Variants in SPAG9 observed in about 807,000 individuals in gnomAD.
The protein encoded by SPAG9 is sperm associated antigen 9.
In SPAG9, 35 loss-of-function variants were observed where a neutral mutation model predicts 166.5. That is an observed-to-expected ratio of 0.21 (90% CI 0.16 to 0.28). The LOEUF (loss-of-function observed/expected upper bound fraction) is 0.28. Ranked by LOEUF, SPAG9 falls within the 10% of genes least tolerant of loss-of-function variation. SPAG9 has a pLI of 1.00. For missense variants in SPAG9, 1,235 were observed against 1,603.3 expected, an observed-to-expected ratio of 0.77 and a Z score of 3.92; for synonymous variants, 534 against 565.5, an observed-to-expected ratio of 0.94 and a Z score of 0.79.
At position 50,962,296 on chromosome 17, in the gene SPAG9, G is replaced by A. The variant is rs2143488272; in HGVS notation, c.*3976C>T. The A allele has an allele frequency of 6.6e-6, 1 of 152,278 alleles. No homozygotes were observed. Among genetic ancestry groups the A allele is most frequent in the Middle Eastern group, 3.4e-3 (1 of 294 alleles). The allele number at this position is 152,278 out of a possible 1,614,324, so 9.4% of individuals were successfully genotyped here. ...TTGCTAAATGAGCTCTTTGCTCATA[G>A]AAATGAAGCTCAGCCTCTAAGAGAC... On this transcript the variant is annotated 3_prime_UTR_variant, in exon 30 of 30. Coordinates refer to ENST00000262013, the MANE Select transcript of SPAG9 (RefSeq NM_001130528.3).
At chr17:50,978,339 T>C (rs1974340839) in intron 26 of SPAG9, among the ~76,000 whole-genome samples, 1 of 152,218 alleles carries the variant, frequency 6.6e-6, no homozygotes, top group African/African-American at 2.4e-5. Context: ...TGTGTATATA[T>C]TCTAGGGAGA....
chr17:51,074,223 G>A (rs553228377), intron 2 of SPAG9, among the ~76,000 whole-genome samples: 5 of 151,166 alleles, frequency 3.3e-5, no homozygotes, highest in East Asian at 2.0e-4. Context: ...GCGACAGAGC[G>A]AGACTCCGTC....
At chr17:51,055,159 C>T (rs979786012) in intron 3 of SPAG9, among the ~76,000 whole-genome samples, 3 of 152,062 alleles carry the variant, frequency 2.0e-5, no homozygotes, top group East Asian at 1.9e-4. Context: ...ACCAGCCTGG[C>T]CAACGTGGAG....
Position 51,020,212 on chromosome 17 carries a change from T to C in SPAG9, c.1038A>G (p.Glu346=), listed in dbSNP as rs2045886744. Residue 346 remains glutamate (E), a synonymous_variant, in exon 8 of 30, where the codon GAA becomes GAG. Transcript: ENST00000262013. ...EEKSEVQAII[E]STPELDMDKD... ...TGTCCATATCCAGCTCAGGAGTAGA[T>C]TCGATGATTGCTTGAACTTCTGACT... 1 of 1,613,856 alleles carries C rather than the reference T, an allele frequency of 6.2e-7. No homozygotes were observed. Among genetic ancestry groups the C allele is most frequent in the Non-Finnish European group, 8.5e-7 (1 of 1,179,786 alleles).
intron 19 of SPAG9, among the ~76,000 whole-genome samples, chr17:50,992,863 G>A (rs556415287): frequency 1.3e-5 from 2 of 152,068 alleles, no homozygotes; most frequent in East Asian, 1.9e-4. Context: ...TTGGGAGACC[G>A]AGGCGGGCAG....
At chr17:51,013,807 T>A (rs906220410) in intron 9 of SPAG9, among the ~76,000 whole-genome samples, 3 of 152,204 alleles carry the variant, frequency 2.0e-5, no homozygotes, top group African/African-American at 7.2e-5. Context: ...TCAAGTGTTA[T>A]AATTTCTTAT....
At position 50,965,678 on chromosome 17, in the gene SPAG9, TA is replaced by T. The variant is rs1220541738; in HGVS notation, c.*593del. The T allele has an allele frequency of 6.6e-6, 1 of 152,262 alleles. No individual in the cohort carries two copies. The highest frequency in any genetic ancestry group is 2.4e-5 in the African/African-American group (1 of 41,424). 9.4% of individuals were successfully genotyped at this position (152,262 alleles called of 1,614,324 possible). A position where few individuals can be genotyped will look rare whatever the true frequency, so the allele number is the denominator to read the frequency against. ...TAGTGTAGTCTTAATTTCTTTAATA[TA>T]AAACCCCCCCAAATCTGATGAAAAC... On this transcript the variant is annotated 3_prime_UTR_variant, in exon 30 of 30. Coordinates refer to ENST00000262013, the MANE Select transcript of SPAG9 (RefSeq NM_001130528.3).
At chr17:51,045,962 T>C (rs773173108) in intron 4 of SPAG9, among the ~76,000 whole-genome samples, 29 of 152,226 alleles carry the variant, frequency 1.9e-4, no homozygotes, top group South Asian at 4.1e-4. Context: ...CTAAAAGTCT[T>C]AAATTTTTTC....
chr17:50,991,220 G>C (rs1164565233), intron 19 of SPAG9, among the ~76,000 whole-genome samples: 6 of 151,948 alleles, frequency 3.9e-5, no homozygotes, highest in African/African-American at 1.5e-4. Flanking sequence ...TTCTTAGTGA[G>C]CTCCTCAGCA....
intron 7 of SPAG9, 105 bp downstream of exon 7, chr17:51,021,053 A>G (rs1358934644): frequency 6.5e-6 from 6 of 927,392 alleles, no homozygotes; most frequent in Non-Finnish European, 1.0e-5. Context: ...TGCCTATTTT[A>G]TAAATACAAA....
intron 5 of SPAG9, among the ~76,000 whole-genome samples, chr17:51,032,399 A>T (rs1022237591): frequency 2.6e-5 from 4 of 152,114 alleles, no homozygotes. Flanking sequence ...CCTGGGCTCA[A>T]GTGATCCATC....
chr17:51,074,810 G>A (rs1177623635), intron 2 of SPAG9, among the ~76,000 whole-genome samples: 1 of 151,934 alleles, frequency 6.6e-6, no homozygotes, highest in Admixed American at 6.6e-5. Flanking sequence ...TCCAAAAAAG[G>A]TATGACTCTC....
At chr17:51,014,844 T>A (rs987578029) in intron 8 of SPAG9, among the ~76,000 whole-genome samples, 1 of 151,972 alleles carries the variant, frequency 6.6e-6, no homozygotes, top group Non-Finnish European at 1.5e-5. Context: ...AAGAAACCCA[T>A]GATACAAAGG....
intron 6 of SPAG9, among the ~76,000 whole-genome samples, chr17:51,025,559 G>C (rs530462437): frequency 6.6e-6 from 1 of 151,876 alleles, no homozygotes; most frequent in East Asian, 1.9e-4. Context: ...AGCACCATTT[G>C]CATTGTCTTT....
chr17:51,092,421 A>G (rs569679644), intron 1 of SPAG9, among the ~76,000 whole-genome samples: 1 of 152,302 alleles, frequency 6.6e-6, no homozygotes, highest in East Asian at 1.9e-4. Flanking sequence ...TTAGATACTG[A>G]TTGAAAACAA....
At position 51,007,313 on chromosome 17, in the gene SPAG9, T is replaced by C. The variant is rs1363870715; in HGVS notation, c.1227A>G (p.Glu409=). 2 of 1,579,762 alleles carry C rather than the reference T, an allele frequency of 1.3e-6. No individual in the cohort carries two copies. The highest frequency in any genetic ancestry group is 1.4e-5 in the African/African-American group (1 of 73,882). ...TATTTTCTAATATAAGATTCTCAAC[T>C]TCCCGACCCATTCCTATCAAACGAA... ...EGADLLGMGR[E]VENLILENTQ... The change falls in exon 10 of 30, where the codon GAA becomes GAG. Residue 409 remains glutamate (E), a synonymous_variant. Transcript: ENST00000262013.
intron 1 of SPAG9, among the ~76,000 whole-genome samples, chr17:51,104,411 C>T (rs1026756097): frequency 5.3e-5 from 8 of 152,072 alleles, no homozygotes; most frequent in African/African-American, 1.9e-4. Context: ...CCAAGGTGGA[C>T]GGATCACCCA....
At chr17:51,053,066 T>C (rs553683376) in intron 3 of SPAG9, among the ~76,000 whole-genome samples, 76 of 151,942 alleles carry the variant, frequency 5.0e-4, no homozygotes, top group African/African-American at 1.8e-3. Context: ...AAAAAAAGTA[T>C]GTATTTTATA....
intron 12 of SPAG9, among the ~76,000 whole-genome samples, chr17:51,002,844 A>C (rs1304368276): frequency 6.6e-6 from 1 of 152,030 alleles, no homozygotes; most frequent in Non-Finnish European, 1.5e-5. Context: ...TAATCCTAGC[A>C]CTTTGGGAGT....
Sources: allele counts gnomAD v4.1 joint callset (sites outside exome capture counted in the v4.1 genomes callset), GRCh38; gene constraint gnomAD v4.1.1; transcripts MANE v1.5; gene names NCBI Gene and HGNC (gene_info 2026-07-23, HGNC 2026-07-21).